LOC400499: variants seen among roughly 807,000 people sequenced by gnomAD.
At chr16:11,487,336 C>G in the LOC400499 span, 1 of 399,448 alleles carries the variant, frequency 2.5e-6, no homozygotes, top group African/African-American at 2.1e-5. Flanking sequence ...AGAAAGGAGG[C>G]AGGAGAGAAG....
chr16:11,441,020 G>A, the LOC400499 span: 2 of 399,096 alleles, frequency 5.0e-6, no homozygotes, highest in Non-Finnish European at 8.8e-6. Flanking sequence ...AACCCTTCAA[G>A]TGCAGGACAA....
the LOC400499 span, chr16:11,381,023 C>G: frequency 1.3e-5 from 2 of 153,244 alleles, no homozygotes; most frequent in Non-Finnish European, 2.9e-5. Flanking sequence ...TCTCACCAGT[C>G]ACATTTTTGG....
chr16:11,476,356 G>C, the LOC400499 span, among the ~76,000 whole-genome samples: 3 of 151,956 alleles, frequency 2.0e-5, no homozygotes, highest in African/African-American at 7.3e-5. Context: ...GGGACTCCAG[G>C]AAAGAGCTGA....
chr16:11,470,032 A>C, the LOC400499 span, among the ~76,000 whole-genome samples: 1 of 152,134 alleles, frequency 6.6e-6, no homozygotes, highest in Non-Finnish European at 1.5e-5. Context: ...CCTCCTGAGC[A>C]GCTGGGATTA....
the LOC400499 span, among the ~76,000 whole-genome samples, chr16:11,481,398 C>T: frequency 1.3e-5 from 2 of 152,212 alleles, no homozygotes; most frequent in Non-Finnish European, 2.9e-5. Flanking sequence ...TCTTGGTTCA[C>T]TGCAACCTCT....
the LOC400499 span, chr16:11,385,075 A>G: frequency 7.3e-6 from 9 of 1,232,086 alleles, no homozygotes; most frequent in African/African-American, 1.6e-5. Flanking sequence ...CCTGTGGGCC[A>G]GAGGGGGCTG....
the LOC400499 span, among the ~76,000 whole-genome samples, chr16:11,397,725 G>C: frequency 5.3e-5 from 7 of 133,010 alleles, no homozygotes; most frequent in African/African-American, 1.9e-4. Context: ...TTACAGAAGA[G>C]TATGAGTCCT....
the LOC400499 span, among the ~76,000 whole-genome samples, chr16:11,468,101 C>T: frequency 6.8e-6 from 1 of 146,654 alleles, no homozygotes; most frequent in Admixed American, 6.9e-5. Context: ...AAAAAAAAAA[C>T]AAAAAACAAA....
At chr16:11,515,618 CAAG>C in the LOC400499 span, among the ~76,000 whole-genome samples, 1 of 148,266 alleles carries the variant, frequency 6.7e-6, no homozygotes, top group Non-Finnish European at 1.5e-5. Context: ...GAAGGAGGAC[CAAG>C]AAGAGAAGGA....
the LOC400499 span, chr16:11,372,884 C>T: frequency 0.018 from 3,326 of 184,188 alleles, 111 homozygotes; most frequent in African/African-American, 0.07. Context: ...ATCTCCCTCC[C>T]GCCTTTTTGT....
At chr16:11,400,140 C>T in the LOC400499 span, among the ~76,000 whole-genome samples, 1 of 152,044 alleles carries the variant, frequency 6.6e-6, no homozygotes, top group African/African-American at 2.4e-5. Flanking sequence ...CTCACTGGGG[C>T]CTCCAGGGCC....
chr16:11,452,205 G>GTT, the LOC400499 span, among the ~76,000 whole-genome samples: 148 of 89,806 alleles, frequency 1.6e-3, 1 homozygote, highest in African/African-American at 5.0e-3. Context: ...TTTTTTGTTT[G>GTT]TTTTTTTTTT....
chr16:11,457,816 A>G, the LOC400499 span, among the ~76,000 whole-genome samples: 2 of 152,204 alleles, frequency 1.3e-5, no homozygotes, highest in Non-Finnish European at 2.9e-5. Context: ...CTATACAGAC[A>G]ATGGAGTATT....
the LOC400499 span, among the ~76,000 whole-genome samples, chr16:11,373,862 T>G: frequency 1.3e-5 from 2 of 151,370 alleles, no homozygotes; most frequent in African/African-American, 4.9e-5. Context: ...TCAGGTGATC[T>G]GCCCGCCTCG....
the LOC400499 span, among the ~76,000 whole-genome samples, chr16:11,510,504 T>C: frequency 6.6e-6 from 1 of 151,730 alleles, no homozygotes; most frequent in Non-Finnish European, 1.5e-5. Flanking sequence ...CGCCCCTGTC[T>C]AAGTCACTGG....
At chr16:11,460,558 T>G in the LOC400499 span, 46 of 1,535,630 alleles carry the variant, frequency 3.0e-5, no homozygotes, top group African/African-American at 4.8e-4. Flanking sequence ...AGCCACTGTC[T>G]GCCCGCAGCT....
At chr16:11,424,749 G>T in the LOC400499 span, among the ~76,000 whole-genome samples, 11 of 152,252 alleles carry the variant, frequency 7.2e-5, no homozygotes, top group Admixed American at 7.2e-4. Context: ...TGAGAAGCTC[G>T]AGCAGGGGCT....
chr16:11,502,143 T>C, the LOC400499 span: 2 of 399,096 alleles, frequency 5.0e-6, no homozygotes, highest in Non-Finnish European at 4.4e-6. Context: ...AGAAAGGCCC[T>C]GGAGCTGGGA....
the LOC400499 span, chr16:11,462,282 C>A: frequency 6.6e-7 from 1 of 1,507,564 alleles, no homozygotes; most frequent in South Asian, 1.2e-5. Flanking sequence ...CCACCCATGG[C>A]TGGCTGCAGG....
Sources: gnomAD v4.1 joint callset for allele counts (sites outside exome capture counted in the v4.1 genomes callset) on GRCh38, gnomAD v4.1.1 for gene constraint, MANE v1.5 for transcripts.